TAFA2: variants seen among roughly 807,000 people sequenced by gnomAD.
TAFA2 encodes the protein chemokine-like protein TAFA-2.
TAFA2 carries 7 observed loss-of-function variants against 18.8 expected under a neutral mutation model. That is an observed-to-expected ratio of 0.37 (90% CI 0.21 to 0.70). TAFA2 has a LOEUF of 0.70. TAFA2 is among the 30% of genes least tolerant of loss of function. TAFA2 has a pLI of 0.53. For synonymous variants in TAFA2, 60 were observed against 54.2 expected (o/e 1.11, Z -0.47); for missense variants, 122 against 158.1 (o/e 0.77, Z 1.23).
At chr12:62,237,303 C>A (rs961287745) in intron 1 of TAFA2, among the ~76,000 whole-genome samples, 1 of 152,178 alleles carries the variant, frequency 6.6e-6, no homozygotes. Context: ...GTCAGGAGAT[C>A]GTAGATCCAT....
At chr12:62,155,423 T>C (rs780515728) in intron 1 of TAFA2, among the ~76,000 whole-genome samples, 9 of 152,092 alleles carry the variant, frequency 5.9e-5, no homozygotes, top group Non-Finnish European at 1.0e-4. Flanking sequence ...ACCATCATTC[T>C]TCACAGAATT....
At chr12:62,198,485 G>C (rs545621666) in intron 1 of TAFA2, 1 of 152,118 alleles carries the variant, frequency 6.6e-6, no homozygotes, top group Non-Finnish European at 1.5e-5. Flanking sequence ...CTGGCTCCCC[G>C]CAGTGTTCTG....
At chr12:62,014,857 C>G (rs147457921) in intron 1 of TAFA2, among the ~76,000 whole-genome samples, 167 of 152,238 alleles carry the variant, frequency 1.1e-3, no homozygotes, top group Non-Finnish European at 2.1e-3. Context: ...CCACATAACT[C>G]CACAATGCTA....
chr12:61,720,841 A>T (rs1373064305), intron 4 of TAFA2: 1 of 497,038 alleles, frequency 2.0e-6, no homozygotes, highest in Non-Finnish European at 4.0e-6. Context: ...TTGAGTGTGG[A>T]GAAATCAAAA....
chr12:62,029,776 T>G (rs748321604), intron 1 of TAFA2, among the ~76,000 whole-genome samples: 1 of 151,476 alleles, frequency 6.6e-6, no homozygotes, highest in Non-Finnish European at 1.5e-5. Context: ...CTCATGATCA[T>G]GCCCACACGG....
chr12:61,753,498 A>T (rs1869116270), intron 4 of TAFA2, 124 bp downstream of exon 4: 4 of 862,360 alleles, frequency 4.6e-6, no homozygotes, highest in Non-Finnish European at 6.9e-6. Context: ...AAAAATGGGG[A>T]AAACATATCT....
chr12:61,880,607 G>C, intron 1 of TAFA2: 3 of 423,882 alleles, frequency 7.1e-6, no homozygotes, highest in South Asian at 5.3e-5. Flanking sequence ...GGCCTATGGG[G>C]GCCTCACAAG....
intron 1 of TAFA2, among the ~76,000 whole-genome samples, chr12:61,896,054 G>A (rs942403724): frequency 1.3e-5 from 2 of 151,808 alleles, no homozygotes; most frequent in African/African-American, 4.8e-5. Context: ...TGAGAGGGAA[G>A]GGAGGAGGAG....
At chr12:62,031,506 GAC>G (rs1319977364) in intron 1 of TAFA2, among the ~76,000 whole-genome samples, 3 of 151,912 alleles carry the variant, frequency 2.0e-5, no homozygotes, top group African/African-American at 7.3e-5. Flanking sequence ...TATGCATAGA[GAC>G]ACACAAACAC....
chr12:61,723,038 C>G (rs1326722459), intron 4 of TAFA2, among the ~76,000 whole-genome samples: 1 of 152,138 alleles, frequency 6.6e-6, no homozygotes, highest in Admixed American at 6.6e-5. Flanking sequence ...ATGCACCACT[C>G]TAGTCATGCC....
chr12:61,823,348 CTCTGTGATA>C (rs1039158533), intron 2 of TAFA2, among the ~76,000 whole-genome samples: 15 of 151,960 alleles, frequency 9.9e-5, no homozygotes, highest in African/African-American at 3.6e-4. Context: ...CTAACGTTTA[CTCTGTGATA>C]TCAATTTTAA....
intron 1 of TAFA2, among the ~76,000 whole-genome samples, chr12:61,941,321 A>T (rs1159820584): frequency 6.6e-6 from 1 of 152,246 alleles, no homozygotes. Context: ...TAATTTTCTA[A>T]TGTGGCTACT....
At position 61,821,679 on chromosome 12, in the gene TAFA2, C is replaced by CACAT. The variant is rs755245546; in HGVS notation, c.106+45637_106+45640dup. Among the ~76,000 whole-genome samples the CACAT allele has an allele frequency of 7.2e-5, 11 of 152,160 alleles. No individual in the cohort carries two copies. The South Asian group carries it at 8.3e-4, about 11-fold the overall frequency. On this transcript the variant is annotated intron_variant, in intron 2 of 4. Coordinates refer to ENST00000416284, the MANE Select transcript of TAFA2 (RefSeq NM_178539.5). ...AAAAACATATTTATCCTCTATCCAGCACATCTTCAAGAGAACATTAATTGT... is the reference window on the plus strand; with the variant it reads ...AAAAACATATTTATCCTCTATCCAGCACATACATCTTCAAGAGAACATTAATTGT...
At chr12:61,877,902 T>TA (rs1491037168) in intron 1 of TAFA2, among the ~76,000 whole-genome samples, 18 of 145,436 alleles carry the variant, frequency 1.2e-4, no homozygotes, top group African/African-American at 3.8e-4. Context: ...AATTGTGATT[T>TA]TTATATATAT....
At chr12:62,044,753 T>G (rs1403284305) in intron 1 of TAFA2, among the ~76,000 whole-genome samples, 2 of 152,142 alleles carry the variant, frequency 1.3e-5, no homozygotes, top group Admixed American at 6.6e-5. Flanking sequence ...CTTTCTGCCT[T>G]TTTAGGTACT....
chr12:61,932,408 G>T (rs897938381), intron 1 of TAFA2, among the ~76,000 whole-genome samples: 1 of 152,168 alleles, frequency 6.6e-6, no homozygotes, highest in Non-Finnish European at 1.5e-5. Flanking sequence ...AGTGAAAAGT[G>T]GAAGGTGAAA....
intron 1 of TAFA2, among the ~76,000 whole-genome samples, chr12:62,164,525 AAC>A (rs1423022859): frequency 1.3e-5 from 2 of 152,172 alleles, no homozygotes; most frequent in Admixed American, 6.5e-5. Context: ...CTCAGGCCTT[AAC>A]ACACACGATT....
intron 2 of TAFA2, among the ~76,000 whole-genome samples, chr12:61,756,211 C>T (rs145834352): frequency 1.3e-5 from 2 of 151,992 alleles, no homozygotes; most frequent in South Asian, 4.2e-4. Flanking sequence ...TGTGTGAGAC[C>T]AAGAAACTCA....
chr12:61,906,061 G>C (rs1876336181), intron 1 of TAFA2, among the ~76,000 whole-genome samples: 1 of 152,160 alleles, frequency 6.6e-6, no homozygotes, highest in African/African-American at 2.4e-5. Context: ...GGTCCTTAAT[G>C]GATTGTCAAG....
Sources: allele counts gnomAD v4.1 joint callset (sites outside exome capture counted in the v4.1 genomes callset), GRCh38; gene constraint gnomAD v4.1.1; transcripts MANE v1.5; gene names NCBI Gene and HGNC (gene_info 2026-07-23, HGNC 2026-07-21).